The following CDH3 variants were observed in gnomAD, a reference collection of about 807,000 sequenced individuals.
The protein encoded by CDH3 is cadherin-3.
In CDH3, 54 loss-of-function variants were observed where a neutral mutation model predicts 82.0. The observed-to-expected ratio is 0.66, with a 90% CI of 0.53 to 0.83. The LOEUF is 0.83. CDH3 is among the 40% of genes least tolerant of loss of function. The pLI, the probability that CDH3 is intolerant of heterozygous loss-of-function variation, is 0.00. For missense variants in CDH3, 1,054 were observed against 1,084.6 expected, an observed-to-expected ratio of 0.97 and a Z score of 0.40; for synonymous variants, 446 against 437.9, an observed-to-expected ratio of 1.02 and a Z score of -0.23.
intron 2 of CDH3, among the ~76,000 whole-genome samples, chr16:68,653,732 T>C (rs1444222155): frequency 1.2e-4 from 17 of 146,108 alleles, no homozygotes; most frequent in Non-Finnish European, 2.4e-4. Flanking sequence ...CTCTGTCGCC[T>C]AGGCTGGAGT....
rs1049480107 is a variant in CDH3 at position 68,653,039 on chromosome 16, T to A, written c.160+7289T>A. On this transcript the variant is annotated intron_variant, in intron 2 of 15. Transcript: ENST00000264012. ...GGGCACAATTGCTGGGTTAACTGAT[T>A]ACCTGAGGATTCCAGTACTGTGATC... 3.3e-5 allele frequency among the ~76,000 whole-genome samples: 5 copies of A among 152,128 alleles called. No individual in the cohort carries two copies. In the East Asian group the frequency reaches 7.7e-4, roughly 23 times the overall value.
chr16:68,659,433 G>A (rs1960499001), intron 2 of CDH3, among the ~76,000 whole-genome samples: 1 of 152,058 alleles, frequency 6.6e-6, no homozygotes, highest in Admixed American at 6.6e-5. Context: ...AGCCAGGCAT[G>A]GTGGTGCATG....
chr16:68,687,191 G>C (rs1961435279), intron 11 of CDH3, among the ~76,000 whole-genome samples: 1 of 152,186 alleles, frequency 6.6e-6, no homozygotes, highest in Non-Finnish European at 1.5e-5. Flanking sequence ...GCAGGTGAGA[G>C]GTTGCAGCAG....
downstream of CDH3, among the ~76,000 whole-genome samples, chr16:68,731,391 A>AT (rs1182933300): frequency 1.4e-4 from 1 of 7,358 alleles, no homozygotes; most frequent in African/African-American, 6.7e-4. Flanking sequence ...AAAAAAAAAA[A>AT]AAAAATATAT....
chr16:68,706,544 CTT>C (rs34364461), intron 1 of CDH3, among the ~76,000 whole-genome samples: 184 of 81,626 alleles, frequency 2.3e-3, no homozygotes, highest in Middle Eastern at 7.4e-3. Flanking sequence ...GTCACATTTC[CTT>C]TTTTTTTTTT....
chr16:68,679,878 C>CCAT lies in CDH3; in HGVS notation c.772_774dup (p.His258dup). 1 of 1,613,680 alleles carries CCAT rather than the reference C, an allele frequency of 6.2e-7. No homozygotes were observed. Among genetic ancestry groups the CCAT allele is most frequent in the South Asian group, 1.1e-5 (1 of 91,076 alleles). On this transcript the variant is annotated inframe_insertion, in exon 7 of 16. Coordinates refer to ENST00000264012, the MANE Select transcript of CDH3 (RefSeq NM_001793.6). ...ACAATGGGGTGGTTGCTTACTCCAT[C>CCAT]CATAGCCAAGAACCAAAGGACCCAC...
chr16:68,660,759 C>T (rs1960545759), intron 2 of CDH3, among the ~76,000 whole-genome samples: 1 of 152,166 alleles, frequency 6.6e-6, no homozygotes, highest in Admixed American at 6.5e-5. Context: ...GAGATCGAGA[C>T]TATCCTGGCT....
chr16:68,646,502 A>ACCCCCC (rs372573208), intron 2 of CDH3, among the ~76,000 whole-genome samples: 1 of 112,764 alleles, frequency 8.9e-6, no homozygotes, highest in African/African-American at 3.6e-5. Context: ...AGTTACTCCT[A>ACCCCCC]CCCCCCCCCT....
intron 2 of CDH3, among the ~76,000 whole-genome samples, chr16:68,661,593 A>G (rs1424299596): frequency 2.0e-5 from 3 of 152,266 alleles, no homozygotes; most frequent in Admixed American, 1.3e-4. Context: ...ACAATTATCA[A>G]ACACCTACTT....
downstream of CDH3, among the ~76,000 whole-genome samples, chr16:68,704,683 A>G (rs1447368174): frequency 6.6e-6 from 1 of 152,266 alleles, no homozygotes; most frequent in Non-Finnish European, 1.5e-5. Context: ...ACACTGATGA[A>G]GACAGTCAAT....
chr16:68,716,204 G>T (rs1962093024), intron 1 of CDH3, among the ~76,000 whole-genome samples: 1 of 150,730 alleles, frequency 6.6e-6, no homozygotes, highest in Non-Finnish European at 1.5e-5. Context: ...GGAGGCGGAG[G>T]TTGCAGTGAG....
intron 12 of CDH3, 33 bp downstream of exon 12, chr16:68,687,769 G>A (rs370961850): frequency 2.0e-6 from 3 of 1,497,828 alleles, no homozygotes; most frequent in African/African-American, 2.7e-5. Context: ...CGGGTGGGGT[G>A]CCAGCCCCAC....
chr16:68,723,251 G>A (rs1962183731), intron 2 of CDH3, among the ~76,000 whole-genome samples: 1 of 151,960 alleles, frequency 6.6e-6, no homozygotes, highest in Admixed American at 6.6e-5. Flanking sequence ...TCCCTCTCAA[G>A]CAATTCCCAA....
intron 4 of CDH3, 37 bp from the exon 5 acceptor site, chr16:68,678,464 T>C: frequency 1.2e-6 from 2 of 1,613,748 alleles, no homozygotes; most frequent in Non-Finnish European, 1.7e-6. Flanking sequence ...ATGGGATATT[T>C]GTTACTTTGT....
chr16:68,732,316 G>A (rs1033704197), downstream of CDH3, among the ~76,000 whole-genome samples: 2 of 152,222 alleles, frequency 1.3e-5, no homozygotes, highest in Non-Finnish European at 2.9e-5. Context: ...CTCAGCAGAG[G>A]TCTGGAGAGG....
rs150404067 is a variant in CDH3, at chr16:68,681,522, G to A, written c.996+426G>A. ...CTTCCATCTTTAGACAACTCTGAAC[G>A]TTAATTAGGTCTGAATAAAAATTTG... On this transcript the variant is annotated intron_variant, in intron 8 of 15. Transcript: ENST00000264012. Among the ~76,000 whole-genome samples, 235 of 152,270 alleles carry A rather than the reference G, an allele frequency of 1.5e-3. 1 individual carries two copies. Among genetic ancestry groups the A allele is most frequent in the Admixed American group, 3.5e-3 (54 of 15,284 alleles).
intron 2 of CDH3, among the ~76,000 whole-genome samples, chr16:68,647,195 TC>T (rs1472705801): frequency 6.6e-6 from 1 of 152,042 alleles, no homozygotes; most frequent in African/African-American, 2.4e-5. Context: ...GGGCCCCAAA[TC>T]CAATTCCGGC....
intron 2 of CDH3, among the ~76,000 whole-genome samples, chr16:68,658,282 G>T (rs137986748): frequency 6.6e-6 from 1 of 151,970 alleles, no homozygotes; most frequent in Admixed American, 6.6e-5. Context: ...TCAGACTCTC[G>T]TTAAACCCAG....
chr16:68,725,562 T>C (rs1443342664), intron 2 of CDH3, among the ~76,000 whole-genome samples: 1 of 151,938 alleles, frequency 6.6e-6, no homozygotes, highest in Non-Finnish European at 1.5e-5. Context: ...CTCGATCTCC[T>C]GACCTCCTGA....
Sources: gnomAD v4.1 joint callset for allele counts (sites outside exome capture counted in the v4.1 genomes callset) on GRCh38, gnomAD v4.1.1 for gene constraint, MANE v1.5 for transcripts, NCBI Gene and HGNC (gene_info 2026-07-23, HGNC 2026-07-21) for gene names.